CREB3L2: variants seen among roughly 807,000 people sequenced by gnomAD.
CREB3L2 encodes cAMP responsive element binding protein 3 like 2, also known as cyclic AMP-responsive element-binding protein 3-like protein 2.
Under a neutral mutation model 57.2 loss-of-function variants are expected in CREB3L2, and 23 were observed. The ratio of observed to expected loss-of-function variants is 0.40; its 90% CI spans 0.29 to 0.57. The LOEUF (loss-of-function observed/expected upper bound fraction) is 0.57. CREB3L2 is among the 20% of genes least tolerant of loss of function. The pLI, the probability that CREB3L2 is intolerant of heterozygous loss-of-function variation, is 0.42. For missense variants in CREB3L2, 628 were observed against 634.7 expected, an observed-to-expected ratio of 0.99 and a Z score of 0.11; for synonymous variants, 268 against 265.1, an observed-to-expected ratio of 1.01 and a Z score of -0.11.
At chr7:137,958,370 A>T (rs928406508) in intron 1 of CREB3L2, among the ~76,000 whole-genome samples, 17 of 152,182 alleles carry the variant, frequency 1.1e-4, no homozygotes, top group Non-Finnish European at 2.9e-5. Flanking sequence ...AAATGATCAG[A>T]AAATAAACCT....
Position 137,878,939 on chromosome 7 carries a change from AGG to A in CREB3L2, c.*1535_*1536del. The stretch of plus-strand genomic sequence containing the variant: ...GGTGGGTGGTGGGGGGAGAGAGAGA[AGG>A]AGAGACAGAGAGAGAGAGGGAGAGA... On this transcript the variant is annotated 3_prime_UTR_variant, in exon 12 of 12. Transcript: ENST00000330387. 2.5e-6 allele frequency: 1 copy of A among 406,320 alleles called. No individual in the cohort carries two copies. The highest frequency in any genetic ancestry group is 2.4e-5 in the South Asian group (1 of 41,636). The allele number at this position is 406,320 out of a possible 1,614,324, so 25.2% of individuals were successfully genotyped here.
At position 138,001,693 on chromosome 7, in the gene CREB3L2, C is replaced by T. The variant is rs771996371; in HGVS notation, c.13G>A (p.Glu5Lys). The T allele has an allele frequency of 2.5e-6, 4 of 1,611,122 alleles. No homozygotes were observed. The highest frequency in any genetic ancestry group is 3.4e-6 in the Non-Finnish European group (4 of 1,179,554). Reference sequence around the variant, plus strand: ...TGCAGCACGCCCTGCTCCCCGCTCTCCAGCACCTCCATGGCGGTGCGGGCC... The same window carrying T: ...TGCAGCACGCCCTGCTCCCCGCTCTTCAGCACCTCCATGGCGGTGCGGGCC... MEVL[E>K]SGEQGVLQWD... Residue 5 changes from glutamate (E) to lysine (K), a missense_variant, in exon 1 of 12, where the codon GAG (glutamate) becomes AAG (lysine). Glu to Lys is a moderately conservative substitution (Grantham distance 56). Around this residue, in one of 3 missense-constraint regions of CREB3L2, gnomAD observed 339 missense variants for 355.4 expected, o/e 0.95. Coordinates refer to ENST00000330387, the MANE Select transcript of CREB3L2 (RefSeq NM_194071.4). The surrounding 1 kb of genome is among the most constrained non-coding windows in gnomAD (Gnocchi z 4.2).
chr7:137,935,682 C>G (rs1250348883), intron 1 of CREB3L2, among the ~76,000 whole-genome samples: 1 of 152,136 alleles, frequency 6.6e-6, no homozygotes, highest in Non-Finnish European at 1.5e-5. Context: ...ACAACTATCT[C>G]ATTTGCATCT....
At chr7:137,953,160 A>G (rs1298420261) in intron 1 of CREB3L2, among the ~76,000 whole-genome samples, 3 of 152,178 alleles carry the variant, frequency 2.0e-5, no homozygotes, top group Non-Finnish European at 4.4e-5. Context: ...TTTTAATGTA[A>G]ACTCCTTGAT....
At chr7:137,938,530 G>C (rs1444233756) in intron 1 of CREB3L2, among the ~76,000 whole-genome samples, 2 of 151,968 alleles carry the variant, frequency 1.3e-5, no homozygotes, top group African/African-American at 4.8e-5. Flanking sequence ...ATTTTTAGTA[G>C]AGACGGGGTT....
intron 1 of CREB3L2, among the ~76,000 whole-genome samples, chr7:137,990,521 C>T (rs1801873995): frequency 6.6e-6 from 1 of 152,188 alleles, no homozygotes; most frequent in Non-Finnish European, 1.5e-5. Context: ...AGAACAGGCA[C>T]ATGCTTAGAC....
At chr7:137,885,376 AC>A (rs1311484308) in intron 9 of CREB3L2, 26 bp downstream of exon 9, 1 of 1,585,804 alleles carries the variant, frequency 6.3e-7, no homozygotes. Context: ...AGGGGCGGTC[AC>A]TGTGCTACCC....
rs1404083990 is a variant in CREB3L2 at position 137,927,895 on chromosome 7, T to G, written c.319+255A>C. On this transcript the variant is annotated intron_variant, in intron 2 of 11. Transcript: ENST00000330387. Reference sequence around the variant, plus strand: ...GATTTGCAAAAGGCTGCTCTGCTGCTGAAGCCATAGGGTGAAAGAGAGTAA... The same window carrying G: ...GATTTGCAAAAGGCTGCTCTGCTGCGGAAGCCATAGGGTGAAAGAGAGTAA... Among the ~76,000 whole-genome samples, 4 of 152,148 alleles carry G rather than the reference T, an allele frequency of 2.6e-5. No homozygotes were observed. In the East Asian group the frequency reaches 7.7e-4, roughly 29 times the overall value.
chr7:137,893,209 T>C (rs1443975045), intron 8 of CREB3L2, among the ~76,000 whole-genome samples: 1 of 152,232 alleles, frequency 6.6e-6, no homozygotes, highest in African/African-American at 2.4e-5. Context: ...GAACAAACAC[T>C]GGCCAAGGAA....
chr7:137,972,142 G>A (rs918712640), intron 1 of CREB3L2, among the ~76,000 whole-genome samples: 2 of 152,112 alleles, frequency 1.3e-5, no homozygotes, highest in Admixed American at 6.5e-5. Context: ...TTGGCTGGGC[G>A]CAGTGGCTCA....
chr7:137,875,951 C>G lies in CREB3L2; in HGVS notation c.*4525G>C, dbSNP rs9757. On this transcript the variant is annotated 3_prime_UTR_variant, in exon 12 of 12. Transcript: ENST00000330387. ...TTTTTTCCTGTGTTAAGTGCTGACC[C>G]TTTGACCACAAAGGCATGGAACATT... The G allele has an allele frequency of 0.49, 111,820 of 225,942 alleles. 31,560 individuals are homozygous for G. Among genetic ancestry groups the G allele is most frequent in the Non-Finnish European group, 0.62 (70,962 of 113,594 alleles). 14.0% of individuals were successfully genotyped at this position (225,942 alleles called of 1,614,324 possible). A position where few individuals can be genotyped will look rare whatever the true frequency, so the allele number is the denominator to read the frequency against.
chr7:137,933,342 T>C (rs1010427947), intron 1 of CREB3L2, among the ~76,000 whole-genome samples: 2 of 152,236 alleles, frequency 1.3e-5, no homozygotes, highest in African/African-American at 4.8e-5. Context: ...AATCCCATTC[T>C]ATCCCGAGGC....
In CREB3L2 at chr7:137,877,875, T is replaced by C. The variant is rs1799193170; in HGVS notation, c.*2601A>G. ...ACATCCATTAACTATTTGGAACCAA[T>C]CTGGTGCTATACAACTCTTCTGTGT... On this transcript the variant is annotated 3_prime_UTR_variant, in exon 12 of 12. Coordinates refer to ENST00000330387, the MANE Select transcript of CREB3L2 (RefSeq NM_194071.4). 1 of 228,568 alleles carries C rather than the reference T, an allele frequency of 4.4e-6. No homozygotes were observed. Among genetic ancestry groups the C allele is most frequent in the Non-Finnish European group, 8.7e-6 (1 of 115,252 alleles). 14.2% of individuals were successfully genotyped at this position (228,568 alleles called of 1,614,324 possible).
At position 137,972,724 on chromosome 7, in the gene CREB3L2, TATATATATATATAGAG is replaced by T. The variant is rs1453773683; in HGVS notation, c.102+28864_102+28879del. Among the ~76,000 whole-genome samples the T allele has an allele frequency of 2.4e-3, 55 of 22,456 alleles. 2 individuals are homozygous for T. Among genetic ancestry groups the T allele is most frequent in the African/African-American group, 9.8e-3 (30 of 3,056 alleles). The allele number at this position is 22,456 out of a possible 152,430, so 14.7% of individuals were successfully genotyped here. A position where few individuals can be genotyped will look rare whatever the true frequency, so the allele number is the denominator to read the frequency against. ...AAAAAAAAAAAAAAATATATATATA[TATATATATATATAGAG>T]AGAGAGAGAGAGAGAGAGAGAGAGA... On this transcript the variant is annotated intron_variant, in intron 1 of 11. Transcript: ENST00000330387.
At chr7:137,990,059 G>T (rs770014061) in intron 1 of CREB3L2, among the ~76,000 whole-genome samples, 3 of 152,164 alleles carry the variant, frequency 2.0e-5, no homozygotes, top group Non-Finnish European at 4.4e-5. Context: ...GCTCCTGTCT[G>T]GTCTCTCTTG....
chr7:137,933,906 T>C (rs1285581626), intron 1 of CREB3L2: 5 of 152,098 alleles, frequency 3.3e-5, no homozygotes, highest in African/African-American at 1.2e-4. Context: ...TGCCAGCCAG[T>C]TGGAAAGGGG....
At chr7:137,899,025 G>GA (rs1799685101) in intron 8 of CREB3L2, among the ~76,000 whole-genome samples, 3 of 65,488 alleles carry the variant, frequency 4.6e-5, no homozygotes, top group African/African-American at 1.8e-4. Context: ...GGAAGGAAGG[G>GA]AAGGAAGAAA....
Position 137,904,035 on chromosome 7 carries a change from G to A in CREB3L2, c.916-18C>T. ...GCAGAAATCTGAGAGAGAGGAGTGG[G>A]AGGAGAATGATTAATTTCCAGCTCT... On this transcript the variant is annotated intron_variant, in intron 6 of 11. Coordinates refer to ENST00000330387, the MANE Select transcript of CREB3L2 (RefSeq NM_194071.4). The A allele has an allele frequency of 1.9e-6, 3 of 1,598,808 alleles. No homozygotes were observed. The highest frequency in any genetic ancestry group is 1.3e-5 in the African/African-American group (1 of 74,708).
chr7:137,992,441 T>C (rs540666586), intron 1 of CREB3L2, among the ~76,000 whole-genome samples: 4 of 152,104 alleles, frequency 2.6e-5, no homozygotes, highest in Non-Finnish European at 4.4e-5. Flanking sequence ...GATAAATGGG[T>C]GCAGCGATAA....
Sources: gnomAD v4.1 joint callset for allele counts (sites outside exome capture counted in the v4.1 genomes callset) on GRCh38, gnomAD v4.1.1 for gene constraint, gnomAD v4.1.1 regional missense constraint, Gnocchi (gnomAD v3.1) non-coding constraint, MANE v1.5 for transcripts, NCBI Gene and HGNC (gene_info 2026-07-23, HGNC 2026-07-21) for gene names.